AHCTF1: variants seen among roughly 807,000 people sequenced by gnomAD.
The protein encoded by AHCTF1 is AT-hook containing transcription factor 1, also known as protein ELYS.
In AHCTF1, 24 loss-of-function variants were observed where a neutral mutation model predicts 248.4. The ratio of observed to expected loss-of-function variants is 0.10; its 90% confidence interval spans 0.07 to 0.14. AHCTF1 has a LOEUF of 0.14. Ranked by LOEUF, AHCTF1 falls within the 10% of genes least tolerant of loss-of-function variation. The pLI, the probability that AHCTF1 is intolerant of heterozygous loss-of-function variation, is 1.00. For missense variants in AHCTF1, 2,206 were observed against 2,636.2 expected (o/e 0.84, Z 3.57); for synonymous variants, 786 against 929.8 (o/e 0.85, Z 2.81).
rs1285868850 is a variant in AHCTF1, at chr1:246,924,281, TTAAC to T, written c.-7-5908_-7-5905del. Among the ~76,000 whole-genome samples the T allele has an allele frequency of 7.2e-5, 11 of 152,312 alleles. No individual in the cohort carries two copies. The East Asian group carries it at 2.1e-3, about 29-fold the overall frequency. Reference sequence around the variant, plus strand: ...AATTCCTTTCAGTTTTCTTATGAAATTAACTATTTCTAAAAATTAGCATTTCATA... The same window carrying T: ...AATTCCTTTCAGTTTTCTTATGAAATTATTTCTAAAAATTAGCATTTCATA... On this transcript the variant is annotated intron_variant, in intron 1 of 35. Coordinates refer to ENST00000648844, the MANE Select transcript of AHCTF1 (RefSeq NM_001323342.2).
chr1:246,869,133 A>T (rs1779980), intron 24 of AHCTF1, among the ~76,000 whole-genome samples: 1 of 151,564 alleles, frequency 6.6e-6, no homozygotes, highest in Non-Finnish European at 1.5e-5. Flanking sequence ...GTGAGCCACC[A>T]CGCCCGGCCG....
At chr1:246,904,943 G>C (rs769498450) in intron 6 of AHCTF1, among the ~76,000 whole-genome samples, 55 of 152,196 alleles carry the variant, frequency 3.6e-4, no homozygotes, top group Non-Finnish European at 7.2e-4. Context: ...AAGAATAAGA[G>C]AGCAGGGTAC....
rs1432775068 is a variant in AHCTF1, at chr1:246,853,107, T to G, written c.4547A>C (p.Asp1516Ala). 1.2e-5 allele frequency: 19 copies of G among 1,607,544 alleles called. No individual in the cohort carries two copies. Among genetic ancestry groups the G allele is most frequent in the Non-Finnish European group, 1.6e-5 (19 of 1,177,928 alleles). ...TTTTTTTACATGAATTTCTTGAGTA[T>G]CAGGAGGGCTGTCAGAAATTGGAAG... ...EKLPISDSPP[D>A]TQEIHVIEQE... Residue 1516 changes from aspartate to alanine, a missense_variant, in exon 32 of 36, where the codon GAT becomes GCT. Physicochemically the swap from Asp to Ala is moderately radical, Grantham distance 126. This residue lies in a region of AHCTF1 where 955 missense variants were observed against 1,055.6 expected (regional missense o/e 0.90). Transcript: ENST00000648844.
chr1:246,919,209 C>A (rs1294912753), intron 1 of AHCTF1, among the ~76,000 whole-genome samples: 1 of 152,066 alleles, frequency 6.6e-6, no homozygotes, highest in Non-Finnish European at 1.5e-5. Flanking sequence ...AAGATTAAGC[C>A]TAGGACAAAG....
chr1:246,928,855 A>T (rs970977505), intron 1 of AHCTF1, among the ~76,000 whole-genome samples: 8 of 152,250 alleles, frequency 5.3e-5, no homozygotes, highest in African/African-American at 1.9e-4. Context: ...CAGTGGACCC[A>T]GAAACTTCAA....
intron 27 of AHCTF1, among the ~76,000 whole-genome samples, chr1:246,863,103 G>C (rs1358613833): frequency 6.6e-6 from 1 of 152,074 alleles, no homozygotes; most frequent in Non-Finnish European, 1.5e-5. Flanking sequence ...TACAAAGTGT[G>C]ATTTATTTTT....
At chr1:246,920,406 G>A (rs1666456313) in intron 1 of AHCTF1, among the ~76,000 whole-genome samples, 1 of 151,830 alleles carries the variant, frequency 6.6e-6, no homozygotes, top group South Asian at 2.1e-4. Context: ...AAACTCAATG[G>A]GTATAAAAAT....
intron 4 of AHCTF1, among the ~76,000 whole-genome samples, chr1:246,912,316 A>G (rs541956166): frequency 6.6e-6 from 1 of 151,934 alleles, no homozygotes; most frequent in African/African-American, 2.4e-5. Context: ...CTCTACTAAA[A>G]AAAAAAAAAT....
intron 16 of AHCTF1, 147 bp downstream of exon 16, chr1:246,890,809 A>G: frequency 2.0e-6 from 1 of 488,156 alleles, no homozygotes; most frequent in Non-Finnish European, 3.5e-6. Context: ...GGAAAAATGT[A>G]AGAAAAGAAG....
In AHCTF1 at chr1:246,887,374, T is replaced by C. The variant is rs1191041692; in HGVS notation, c.2326-17A>G. 1 of 1,595,192 alleles carries C rather than the reference T, an allele frequency of 6.3e-7. No homozygotes were observed. Among genetic ancestry groups the C allele is most frequent in the South Asian group, 1.1e-5 (1 of 87,668 alleles). On this transcript the variant is annotated splice_polypyrimidine_tract_variant and intron_variant, in intron 19 of 35. Coordinates refer to ENST00000648844, the MANE Select transcript of AHCTF1 (RefSeq NM_001323342.2). The stretch of plus-strand genomic sequence containing the variant: ...ATAAATGGTCTTTTAAAAAGCGGAT[T>C]AAGGACAATAAAATACAACAACAAA...
intron 27 of AHCTF1, among the ~76,000 whole-genome samples, chr1:246,863,523 G>C (rs1310346635): frequency 6.6e-6 from 1 of 152,144 alleles, no homozygotes. Context: ...GTAGCAAGGA[G>C]TAACAGTTTT....
At chr1:246,888,619 A>T in intron 17 of AHCTF1, 102 bp from the exon 18 acceptor site, 3 of 1,388,120 alleles carry the variant, frequency 2.2e-6, no homozygotes, top group Non-Finnish European at 2.9e-6. Context: ...ACTATCAAAG[A>T]GAGAAGAGGC....
At chr1:246,869,152 GT>G (rs533491894) in intron 24 of AHCTF1, among the ~76,000 whole-genome samples, 199 of 152,018 alleles carry the variant, frequency 1.3e-3, no homozygotes, top group East Asian at 5.2e-3. Context: ...CGTGTGTTTT[GT>G]TTTTTTAAAC....
At chr1:246,869,329 C>T (rs1662381800) in intron 24 of AHCTF1, among the ~76,000 whole-genome samples, 1 of 152,134 alleles carries the variant, frequency 6.6e-6, no homozygotes, top group African/African-American at 2.4e-5. Context: ...ACTAATAACC[C>T]TACAAAGACC....
Position 246,900,486 on chromosome 1 carries a change from A to G in AHCTF1, c.1118-17T>C, listed in dbSNP as rs1236199771. On this transcript the variant is annotated splice_polypyrimidine_tract_variant and intron_variant, in intron 8 of 35. Transcript: ENST00000648844. ...GCGATAGAGCTGGAAGAAAAAGATA[A>G]TTTTTAAAAACAGAATAAAGAATCT... 1 of 1,580,014 alleles carries G rather than the reference A, an allele frequency of 6.3e-7. No individual in the cohort carries two copies. Among genetic ancestry groups the G allele is most frequent in the Non-Finnish European group, 8.5e-7 (1 of 1,172,378 alleles).
chr1:246,857,579 G>A, intron 30 of AHCTF1, 112 bp downstream of exon 30: 1 of 1,121,676 alleles, frequency 8.9e-7, no homozygotes, highest in Non-Finnish European at 1.2e-6. Context: ...TACCAAAATG[G>A]AGATGTTAAA....
Position 246,840,085 on chromosome 1 carries a change from C to G in AHCTF1, c.*721G>C, listed in dbSNP as rs1488128353. The stretch of plus-strand genomic sequence containing the variant: ...CATAAACAGATTTATTTTACATTTC[C>G]CTTTGTCAAACCCTTTGATAAGGTT... On this transcript the variant is annotated 3_prime_UTR_variant, in exon 36 of 36. Transcript: ENST00000648844. The G allele has an allele frequency of 2.0e-5, 3 of 152,574 alleles. No individual in the cohort carries two copies. Among genetic ancestry groups the G allele is most frequent in the Non-Finnish European group, 4.4e-5 (3 of 68,042 alleles). 9.5% of individuals were successfully genotyped at this position (152,574 alleles called of 1,614,324 possible).
chr1:246,859,666 C>T (rs1243723302), intron 29 of AHCTF1, among the ~76,000 whole-genome samples: 3 of 152,140 alleles, frequency 2.0e-5, no homozygotes, highest in African/African-American at 7.2e-5. Flanking sequence ...ACCTCGACCT[C>T]CTGGGTCCAA....
Position 246,854,483 on chromosome 1 carries a change from T to C in AHCTF1, c.4355-1184A>G, listed in dbSNP as rs1383136543. Among the ~76,000 whole-genome samples the C allele has an allele frequency of 2.0e-5, 3 of 151,610 alleles. 1 individual carries two copies. Among genetic ancestry groups the C allele is most frequent in the Middle Eastern group, 6.8e-3 (2 of 292 alleles). On this transcript the variant is annotated intron_variant, in intron 31 of 35. Coordinates refer to ENST00000648844, the MANE Select transcript of AHCTF1 (RefSeq NM_001323342.2). ...TCAGCAATAAGCAATTAGTTAAGCA[T>C]GTAACATCTACACTACAAAACACTA... is the stretch of plus-strand genomic sequence containing the variant.
Sources: gnomAD v4.1 joint callset for allele counts (sites outside exome capture counted in the v4.1 genomes callset) on GRCh38, gnomAD v4.1.1 for gene constraint, gnomAD v4.1.1 regional missense constraint, MANE v1.5 for transcripts, NCBI Gene and HGNC (gene_info 2026-07-23, HGNC 2026-07-21) for gene names.